Variants in DTNBP1 observed in about 807,000 individuals in gnomAD.
DTNBP1 encodes the protein dysbindin.
Under a neutral mutation model 42.8 loss-of-function variants are expected in DTNBP1, and 35 were observed. That is an observed-to-expected ratio of 0.82 (90% CI 0.63 to 1.09). The LOEUF (loss-of-function observed/expected upper bound fraction) is 1.09. DTNBP1 is among the 50% of genes least tolerant of loss of function. DTNBP1 has a pLI of 0.00. For missense variants in DTNBP1, 457 were observed against 424.2 expected (o/e 1.08, Z -0.68); for synonymous variants, 171 against 162.2 (o/e 1.05, Z -0.41).
At chr6:15,589,615 A>G (rs1776213634) in intron 7 of DTNBP1, among the ~76,000 whole-genome samples, 1 of 152,214 alleles carries the variant, frequency 6.6e-6, no homozygotes, top group Admixed American at 6.5e-5. Flanking sequence ...CTAGCCCTGA[A>G]AATTCAGATT....
chr6:15,542,250 T>C (rs764524941), intron 7 of DTNBP1, among the ~76,000 whole-genome samples: 4 of 152,216 alleles, frequency 2.6e-5, no homozygotes, highest in Non-Finnish European at 5.9e-5. Context: ...TAAACATCTC[T>C]TCAAGCTGTT....
intron 7 of DTNBP1, among the ~76,000 whole-genome samples, chr6:15,536,917 G>A (rs557638711): frequency 1.3e-5 from 2 of 152,366 alleles, no homozygotes; most frequent in South Asian, 4.1e-4. Context: ...TTATTTTGGA[G>A]CTTTAAGATT....
At chr6:15,624,665 A>G (rs1407641730) in intron 5 of DTNBP1, among the ~76,000 whole-genome samples, 1 of 152,222 alleles carries the variant, frequency 6.6e-6, no homozygotes, top group Non-Finnish European at 1.5e-5. Flanking sequence ...CAACAAGTTC[A>G]AAGAAGTTAG....
chr6:15,649,474 T>C (rs923979707), intron 3 of DTNBP1, among the ~76,000 whole-genome samples: 14 of 151,980 alleles, frequency 9.2e-5, no homozygotes, highest in Non-Finnish European at 1.6e-4. Flanking sequence ...AGAAAGCAAA[T>C]AGAATGATGG....
intron 7 of DTNBP1, among the ~76,000 whole-genome samples, chr6:15,572,721 G>C (rs1264198559): frequency 6.6e-6 from 1 of 152,150 alleles, no homozygotes; most frequent in East Asian, 1.9e-4. Context: ...TCTGGCTCTA[G>C]ATTCCATGTT....
chr6:15,524,598 A>G lies in DTNBP1; in HGVS notation c.739T>C (p.Ser247Pro). The change falls in exon 9 of 10, where the codon TCG becomes CCG. Residue 247 changes from serine to proline, a missense_variant. By Grantham distance (74) the Ser-to-Pro change is moderately conservative (BLOSUM62 -1). Transcript: ENST00000344537. ...MLEQMDLMDI[S>P]DQEALDVFLN... ...AAGACGTCCAGGGCCTCCTGGTCCGATATGTCCATCAGGTCCATCTGCTCC... is the reference window on the plus strand; with the variant it reads ...AAGACGTCCAGGGCCTCCTGGTCCGGTATGTCCATCAGGTCCATCTGCTCC... 4 of 1,613,792 alleles carry G rather than the reference A, an allele frequency of 2.5e-6. No homozygotes were observed. The highest frequency in any genetic ancestry group is 2.7e-5 in the African/African-American group (2 of 75,034).
chr6:15,593,846 ATATGAGACATT>A (rs1222273631), intron 6 of DTNBP1, among the ~76,000 whole-genome samples: 2 of 152,240 alleles, frequency 1.3e-5, no homozygotes, highest in African/African-American at 4.8e-5. Flanking sequence ...CCCAGTTAAA[ATATGAGACATT>A]TATTTTGTAC....
chr6:15,526,652 G>C (rs1219102565), intron 8 of DTNBP1, among the ~76,000 whole-genome samples: 1 of 152,208 alleles, frequency 6.6e-6, no homozygotes, highest in East Asian at 1.9e-4. Context: ...AGGCTGAGTG[G>C]TCAGGGGAAT....
chr6:15,599,059 A>C (rs1228906891), intron 6 of DTNBP1, among the ~76,000 whole-genome samples: 1 of 152,174 alleles, frequency 6.6e-6, no homozygotes, highest in African/African-American at 2.4e-5. Context: ...AAAAAAGATA[A>C]TGAAGGTCTA....
At position 15,523,200 on chromosome 6, in the gene DTNBP1, A is replaced by C; in HGVS notation, c.831T>G (p.Cys277Trp). ...GAACCTGGAGGGTAATCTCATTCTG[A>C]CAGGTACTGGATTCAGGCCCTGCAA... ...SPALGPESST[C>W]QNEITLQVPN... The change falls in exon 10 of 10, where the codon TGT (cysteine) becomes TGG (tryptophan). Residue 277 changes from cysteine to tryptophan, a missense_variant. Cys to Trp is a radical substitution (Grantham distance 215). Transcript: ENST00000344537. 2 of 1,614,198 alleles carry C rather than the reference A, an allele frequency of 1.2e-6. No individual in the cohort carries two copies. The highest frequency in any genetic ancestry group is 2.2e-5 in the East Asian group (1 of 44,892).
intron 1 of DTNBP1, among the ~76,000 whole-genome samples, chr6:15,654,646 AC>A (rs1471880448): frequency 6.6e-6 from 1 of 152,054 alleles, no homozygotes; most frequent in Admixed American, 6.6e-5. Context: ...AAAAGAAAAA[AC>A]CGGTTTGAAA....
intron 6 of DTNBP1, among the ~76,000 whole-genome samples, chr6:15,599,040 A>C (rs1285839608): frequency 1.3e-5 from 2 of 152,148 alleles, no homozygotes; most frequent in East Asian, 1.9e-4. Flanking sequence ...TTTAAGAAAA[A>C]TGGATTCCAA....
Position 15,604,418 on chromosome 6 carries a change from T to C in DTNBP1, c.488+10849A>G, listed in dbSNP as rs1017993900. ...TCCTTCAGAGAAGGTGCTCTCGATCTTCTCTTTTGGTTCCAGAAGAACCAA... is the reference window on the plus strand; with the variant it reads ...TCCTTCAGAGAAGGTGCTCTCGATCCTCTCTTTTGGTTCCAGAAGAACCAA... On this transcript the variant is annotated intron_variant, in intron 6 of 9. Transcript: ENST00000344537. Among the ~76,000 whole-genome samples, 13 of 152,288 alleles carry C rather than the reference T, an allele frequency of 8.5e-5. No homozygotes were observed. The East Asian group carries it at 2.1e-3, about 25-fold the overall frequency.
At chr6:15,600,445 T>A (rs1776684833) in intron 6 of DTNBP1, among the ~76,000 whole-genome samples, 1 of 152,126 alleles carries the variant, frequency 6.6e-6, no homozygotes, top group African/African-American at 2.4e-5. Context: ...TATTAAGTGT[T>A]CAATAAAGGC....
intron 5 of DTNBP1, among the ~76,000 whole-genome samples, chr6:15,615,903 C>T (rs1157332489): frequency 6.6e-6 from 1 of 152,238 alleles, no homozygotes; most frequent in Non-Finnish European, 1.5e-5. Context: ...TGCACAAATA[C>T]TTGGTAAGCA....
At chr6:15,530,908 C>T (rs1772773967) in intron 8 of DTNBP1, among the ~76,000 whole-genome samples, 1 of 152,134 alleles carries the variant, frequency 6.6e-6, no homozygotes, top group Admixed American at 6.5e-5. Flanking sequence ...TCTGTATGGA[C>T]TGAATGTGTC....
At chr6:15,539,523 G>T (rs1172633932) in intron 7 of DTNBP1, among the ~76,000 whole-genome samples, 1 of 152,214 alleles carries the variant, frequency 6.6e-6, no homozygotes, top group Admixed American at 6.5e-5. Flanking sequence ...CCACGCCTGT[G>T]TGGCTGTTTT....
intron 4 of DTNBP1, 110 bp from the exon 5 acceptor site, chr6:15,627,585 G>A: frequency 6.9e-7 from 1 of 1,459,624 alleles, no homozygotes; most frequent in Non-Finnish European, 9.3e-7. Flanking sequence ...CTACTCAGTA[G>A]AGATTACGGT....
chr6:15,523,250 T>C (rs1772041440), intron 9 of DTNBP1, 31 bp from the exon 10 acceptor site: 2 of 1,613,132 alleles, frequency 1.2e-6, no homozygotes, highest in Admixed American at 1.7e-5. Context: ...GAAAAAGCCC[T>C]GTCATAAAAA....
Sources: gnomAD v4.1 joint callset for allele counts (sites outside exome capture counted in the v4.1 genomes callset) on GRCh38, gnomAD v4.1.1 for gene constraint, MANE v1.5 for transcripts, NCBI Gene and HGNC (gene_info 2026-07-23, HGNC 2026-07-21) for gene names.